Variants in TEKT4 observed in about 807,000 individuals in gnomAD.
The protein encoded by TEKT4 is tektin-4.
Under a neutral mutation model 46.0 loss-of-function variants are expected in TEKT4, and 46 were observed. The ratio of observed to expected loss-of-function variants is 1.00; its 90% CI spans 0.79 to 1.28. The LOEUF is 1.28. Among genes scored for constraint, TEKT4 ranks in the 50% most tolerant of loss-of-function variants. The pLI is 0.00. For synonymous variants in TEKT4, 325 were observed against 265.8 expected (o/e 1.22, Z -2.17); for missense variants, 790 against 622.9 (o/e 1.27, Z -2.85).
chr2:94,873,118 GCA>G, intron 1 of TEKT4: 1 of 1,236,866 alleles, frequency 8.1e-7, no homozygotes, highest in Non-Finnish European at 1.0e-6. Context: ...GCCTTTCCCA[GCA>G]CAGAGCCCTG....
chr2:94,875,459 C>A, intron 4 of TEKT4, 129 bp from the exon 5 acceptor site: 1 of 1,417,752 alleles, frequency 7.1e-7, no homozygotes, highest in South Asian at 1.3e-5. Flanking sequence ...ATCCACGCCT[C>A]CCCAGGGCCA....
At chr2:94,873,846 G>A (rs1212125837) in intron 2 of TEKT4, 119 bp from the exon 3 acceptor site, 10 of 1,431,294 alleles carry the variant, frequency 7.0e-6, no homozygotes, top group Non-Finnish European at 9.5e-6. Context: ...GGCTGCCCGG[G>A]ACAGGCCCAC....
intron 1 of TEKT4, 35 bp downstream of exon 1, chr2:94,872,112 C>T (rs1220553150): frequency 3.4e-6 from 5 of 1,484,878 alleles, no homozygotes; most frequent in African/African-American, 1.4e-5. Flanking sequence ...GATTTGTGGG[C>T]GCAGAGAGGA....
chr2:94,873,198 G>T, intron 1 of TEKT4: 1 of 1,256,186 alleles, frequency 8.0e-7, no homozygotes, highest in Non-Finnish European at 1.0e-6. Flanking sequence ...AGAGGCCAAG[G>T]GCAGGCCAAC....
At position 94,872,081 on chromosome 2, in the gene TEKT4, C is replaced by T; in HGVS notation, c.498+4C>T. On this transcript the variant is annotated splice_donor_region_variant and intron_variant, in intron 1 of 5. Coordinates refer to ENST00000295201, the MANE Select transcript of TEKT4 (RefSeq NM_144705.4). ...TGTGGAAACGGAGCTGCTGAAGGTG[C>T]CAGCACCCTTGGGTGGCCGGGATTT... 1 of 1,536,188 alleles carries T rather than the reference C, an allele frequency of 6.5e-7. No homozygotes were observed. Among genetic ancestry groups the T allele is most frequent in the Non-Finnish European group, 8.8e-7 (1 of 1,141,166 alleles).
chr2:94,871,651 C>A lies in TEKT4; in HGVS notation c.72C>A (p.Tyr24Ter). 15 of 1,612,548 alleles carry A rather than the reference C, an allele frequency of 9.3e-6. No individual in the cohort carries two copies. The highest frequency in any genetic ancestry group is 1.3e-5 in the Non-Finnish European group (15 of 1,179,920). The change falls in exon 1 of 6, where the codon TAC becomes TAA. Residue 24 changes from tyrosine (Y) to a stop codon, truncating the protein, a stop_gained. Coordinates refer to ENST00000295201, the MANE Select transcript of TEKT4 (RefSeq NM_144705.4). LOFTEE classifies it high-confidence loss of function. ...ACGTGGCCCGTAACACGGGCGCCTA[C>A]ACGTCCTCCGGCCTGGCCACCGCCA... is the stretch of plus-strand genomic sequence containing the variant. ...EYDVARNTGA[Y>*]TSSGLATASF...
chr2:94,871,987 C>A lies in TEKT4; in HGVS notation c.408C>A (p.Pro136=). The change falls in exon 1 of 6, where the codon CCC becomes CCA. Residue 136 remains proline (P), a synonymous_variant. Transcript: ENST00000295201. ...GCGCCCTGGACGCCACAGAGGTGCCCTTCTCCATCACCACTGACAACCTGC... is the reference window on the plus strand; with the variant it reads ...GCGCCCTGGACGCCACAGAGGTGCCATTCTCCATCACCACTGACAACCTGC... ...LERALDATEV[P]FSITTDNLQC... is the part of the protein sequence containing the mutation. 1 of 1,599,974 alleles carries A rather than the reference C, an allele frequency of 6.3e-7. No individual in the cohort carries two copies. Among genetic ancestry groups the A allele is most frequent in the East Asian group, 2.3e-5 (1 of 44,394 alleles).
chr2:94,874,142 G>C, intron 3 of TEKT4, 34 bp downstream of exon 3: 1 of 1,602,848 alleles, frequency 6.2e-7, no homozygotes, highest in Non-Finnish European at 8.5e-7. Context: ...ACTTGCCCTG[G>C]CTGTGGTCTC....
intron 2 of TEKT4, 103 bp from the exon 3 acceptor site, chr2:94,873,862 A>T: frequency 6.7e-7 from 1 of 1,503,302 alleles, no homozygotes; most frequent in Middle Eastern, 1.9e-4. Context: ...CCCACCCAGA[A>T]CTCCCTCCTG....
chr2:94,871,499 C>T lies in TEKT4; in HGVS notation c.-81C>T. Reference sequence around the variant, plus strand: ...CTGGGACTGAGCCGTTGGAGCTGCCCCGCTGACCGCACTAGGCTGACCGCA... The same window carrying T: ...CTGGGACTGAGCCGTTGGAGCTGCCTCGCTGACCGCACTAGGCTGACCGCA... On this transcript the variant is annotated 5_prime_UTR_variant, in exon 1 of 6. Transcript: ENST00000295201. The T allele has an allele frequency of 2.1e-6, 3 of 1,453,040 alleles. No homozygotes were observed. The highest frequency in any genetic ancestry group is 2.3e-4 in the Middle Eastern group (1 of 4,378). The allele number at this position is 1,453,040 out of a possible 1,614,324, so 90.0% of individuals were successfully genotyped here.
In TEKT4 at chr2:94,871,887, C is replaced by T. The variant is rs782480762; in HGVS notation, c.308C>T (p.Ser103Leu). Residue 103 changes from serine (S) to leucine (L), a missense_variant, in exon 1 of 6, where the codon TCG becomes TTG. Coordinates refer to ENST00000295201, the MANE Select transcript of TEKT4 (RefSeq NM_144705.4). ...CTGCAGGACACGCACAGCTGGAAGTCGGAGCTGCAGCGTGAGATGGAGGCG... is the reference window on the plus strand; with the variant it reads ...CTGCAGGACACGCACAGCTGGAAGTTGGAGCTGCAGCGTGAGATGGAGGCG... Reference protein sequence around the residue: ...ERLQDTHSWKSELQREMEALA... With the variant: ...ERLQDTHSWKLELQREMEALA... 29 of 1,597,602 alleles carry T rather than the reference C, an allele frequency of 1.8e-5. No homozygotes were observed. The South Asian group carries it at 2.2e-4, about 12-fold the overall frequency.
In TEKT4 at chr2:94,876,667, G is replaced by A. The variant is rs782704250; in HGVS notation, c.1206G>A (p.Lys402=). 5 of 1,613,440 alleles carry A rather than the reference G, an allele frequency of 3.1e-6. No homozygotes were observed. The South Asian group carries it at 3.3e-5, about 11-fold the overall frequency. ...AGGACATCCACATGAGCCTGGAGAA[G>A]GACATTGCCGCCATGACCAACAGTC... ...NLEDIHMSLE[K]DIAAMTNSLF... The change falls in exon 6 of 6, where the codon AAG becomes AAA. Residue 402 remains lysine (K), a synonymous_variant. Coordinates refer to ENST00000295201, the MANE Select transcript of TEKT4 (RefSeq NM_144705.4).
In TEKT4 at chr2:94,871,893, T is replaced by C. The variant is rs1680583805; in HGVS notation, c.314T>C (p.Leu105Pro). The C allele has an allele frequency of 6.3e-7, 1 of 1,597,774 alleles. No homozygotes were observed. The highest frequency in any genetic ancestry group is 8.5e-7 in the Non-Finnish European group (1 of 1,175,972). ...GACACGCACAGCTGGAAGTCGGAGC[T>C]GCAGCGTGAGATGGAGGCGCTGGCT... ...LQDTHSWKSE[L>P]QREMEALAAE... Residue 105 changes from leucine to proline, a missense_variant, in exon 1 of 6, where the codon CTG (leucine) becomes CCG (proline). Leu to Pro is a moderately conservative substitution (Grantham distance 98, BLOSUM62 -3). Transcript: ENST00000295201.
chr2:94,873,352 A>C lies in TEKT4; in HGVS notation c.499-168A>C, dbSNP rs1878720. On this transcript the variant is annotated intron_variant, in intron 1 of 5. Coordinates refer to ENST00000295201, the MANE Select transcript of TEKT4 (RefSeq NM_144705.4). ...ACAACGCACCAAGGAGAATGCCCAA[A>C]AGCCCAAGATAAACCCAGTGAGAGA... The C allele has an allele frequency of 7.8e-3, 11,334 of 1,459,720 alleles. 55 individuals carry two copies. The highest frequency in any genetic ancestry group is 9.4e-3 in the Non-Finnish European group (10,353 of 1,105,616). 90.4% of individuals were successfully genotyped at this position (1,459,720 alleles called of 1,614,324 possible). A position where few individuals can be genotyped will look rare whatever the true frequency, so the allele number is the denominator to read the frequency against.
intron 3 of TEKT4, among the ~76,000 whole-genome samples, chr2:94,874,537 GAGGGGACTA>G (rs1349936878): frequency 6.6e-6 from 1 of 151,264 alleles, no homozygotes; most frequent in Non-Finnish European, 1.5e-5. Context: ...GCGGGGGCAC[GAGGGGACTA>G]AGTGCCCGGG....
Position 94,874,872 on chromosome 2 carries a change from G to A in TEKT4, c.810G>A (p.Val270=), listed in dbSNP as rs782594099. 4.3e-6 allele frequency: 7 copies of A among 1,609,952 alleles called. No homozygotes were observed. Among genetic ancestry groups the A allele is most frequent in the Admixed American group, 1.7e-5 (1 of 59,704 alleles). Residue 270 remains valine (V), a synonymous_variant, in exon 4 of 6, where the codon GTG becomes GTA. Transcript: ENST00000295201. ...CCTCGGCCAACCTGCGGGTGCTGGT[G>A]GACTGCATCCTTCGCGACACCTCCG... The part of the protein sequence containing the change: ...RLASANLRVL[V]DCILRDTSED...
At chr2:94,876,224 T>G (rs1479298620) in intron 5 of TEKT4, among the ~76,000 whole-genome samples, 2 of 152,174 alleles carry the variant, frequency 1.3e-5, no homozygotes, top group Non-Finnish European at 2.9e-5. Context: ...CTTCTTTCCC[T>G]GCCCCTCAGT....
In TEKT4 at chr2:94,871,847, A is replaced by G. The variant is rs530081184; in HGVS notation, c.268A>G (p.Thr90Ala). The G allele has an allele frequency of 1.0e-4, 164 of 1,605,602 alleles. No homozygotes were observed. The Admixed American group carries it at 1.2e-3, about 12-fold the overall frequency. Residue 90 changes from threonine (T) to alanine (A), a missense_variant, in exon 1 of 6, where the codon ACA (threonine) becomes GCA (alanine). Physicochemically the swap from Thr to Ala is moderately conservative, Grantham distance 58 (BLOSUM62 0). Coordinates refer to ENST00000295201, the MANE Select transcript of TEKT4 (RefSeq NM_144705.4). ...AQRTQQDSTR[T>A]VGERLQDTHS... ...GCGCACGCAGCAAGACTCCACGCGC[A>G]CAGTGGGCGAGCGACTGCAGGACAC...
rs782636024 is a variant in TEKT4 at position 94,874,745 on chromosome 2, G to T, written c.714-31G>T. 4 of 1,519,940 alleles carry T rather than the reference G, an allele frequency of 2.6e-6. No homozygotes were observed. The South Asian group carries it at 5.0e-5, about 19-fold the overall frequency. The allele number at this position is 1,519,940 out of a possible 1,614,324, so 94.2% of individuals were successfully genotyped here. A position where few individuals can be genotyped will look rare whatever the true frequency, so the allele number is the denominator to read the frequency against. ...TCCCAGCCTTCGGCAGAGCCTCCCCGACCCTCTCCTGGCTGTCCCCCGCCC... is the reference window on the plus strand; with the variant it reads ...TCCCAGCCTTCGGCAGAGCCTCCCCTACCCTCTCCTGGCTGTCCCCCGCCC... On this transcript the variant is annotated intron_variant, in intron 3 of 5. Transcript: ENST00000295201.
Sources: gnomAD v4.1 joint callset for allele counts (sites outside exome capture counted in the v4.1 genomes callset) on GRCh38, gnomAD v4.1.1 for gene constraint, MANE v1.5 for transcripts, NCBI Gene and HGNC (gene_info 2026-07-23, HGNC 2026-07-21) for gene names.